COMMD10: variants seen among roughly 807,000 people sequenced by gnomAD.
COMMD10 encodes the protein COMM domain-containing protein 10.
A neutral mutation model predicts 28.9 loss-of-function variants in COMMD10; 33 were observed. The ratio of observed to expected loss-of-function variants is 1.14; its 90% CI spans 0.87 to 1.53. The LOEUF (loss-of-function observed/expected upper bound fraction) is 1.53, where lower values mean the gene tolerates loss of function less well. Ranked by LOEUF, COMMD10 falls within the 40% of genes most tolerant of loss-of-function variation. COMMD10 has a pLI of 0.00. For synonymous variants in COMMD10, 110 were observed against 81.7 expected (o/e 1.35, Z -1.87); for missense variants, 310 against 233.4 (o/e 1.33, Z -2.14).
intron 5 of COMMD10, among the ~76,000 whole-genome samples, chr5:116,270,959 T>C (rs1050461157): frequency 1.3e-5 from 2 of 150,124 alleles, no homozygotes; most frequent in African/African-American, 4.9e-5. Flanking sequence ...ATAAAGATTA[T>C]ATATAAATAA....
At chr5:116,206,664 AAAAG>A (rs1748821542) in intron 5 of COMMD10, among the ~76,000 whole-genome samples, 1 of 152,148 alleles carries the variant, frequency 6.6e-6, no homozygotes. Context: ...AAAAAAGAAA[AAAAG>A]AAAAGAAAAA....
At position 116,156,392 on chromosome 5, in the gene COMMD10, A is replaced by T. The variant is rs182438260; in HGVS notation, c.510+22214A>T. 2.6e-5 allele frequency among the ~76,000 whole-genome samples: 4 copies of T among 152,324 alleles called. No homozygotes were observed. In the East Asian group the frequency reaches 7.7e-4, roughly 29 times the overall value. ...CACAAGGTTTTTCTGGAAATTAAATATGACAGCAAATATAAAAGCATCTAT... is the reference window on the plus strand; with the variant it reads ...CACAAGGTTTTTCTGGAAATTAAATTTGACAGCAAATATAAAAGCATCTAT... On this transcript the variant is annotated intron_variant, in intron 5 of 6. Coordinates refer to ENST00000274458, the MANE Select transcript of COMMD10 (RefSeq NM_016144.4).
intron 5 of COMMD10, among the ~76,000 whole-genome samples, chr5:116,223,153 A>G (rs1374971813): frequency 6.6e-5 from 10 of 152,162 alleles, no homozygotes; most frequent in Non-Finnish European, 1.5e-4. Context: ...CCTATAAATT[A>G]TAAATATTAG....
At chr5:116,225,313 T>C (rs1749363016) in intron 5 of COMMD10, among the ~76,000 whole-genome samples, 1 of 151,120 alleles carries the variant, frequency 6.6e-6, no homozygotes, top group Non-Finnish European at 1.5e-5. Flanking sequence ...TATTTTTTCT[T>C]AAGTAATTTC....
intron 5 of COMMD10, among the ~76,000 whole-genome samples, chr5:116,267,807 C>T (rs1007825434): frequency 3.3e-5 from 5 of 151,782 alleles, no homozygotes; most frequent in African/African-American, 9.7e-5. Context: ...CATCTACAAC[C>T]ATCTGATCTT....
Position 116,129,422 on chromosome 5 carries a change from GTA to G in COMMD10, c.400-4637_400-4636del, listed in dbSNP as rs1260280308. ...ACTATATACTATGTAATATACATTA[GTA>G]TATATATACTATATACTAATGTAAT... On this transcript the variant is annotated intron_variant, in intron 4 of 6. Coordinates refer to ENST00000274458, the MANE Select transcript of COMMD10 (RefSeq NM_016144.4). Among the ~76,000 whole-genome samples, 2 of 66,104 alleles carry G rather than the reference GTA, an allele frequency of 3.0e-5. 1 individual carries two copies. Among genetic ancestry groups the G allele is most frequent in the South Asian group, 9.4e-4 (2 of 2,138 alleles). 43.4% of individuals were successfully genotyped at this position (66,104 alleles called of 152,430 possible). A position where few individuals can be genotyped will look rare whatever the true frequency, so the allele number is the denominator to read the frequency against.
At chr5:116,192,262 A>ACCC (rs35913184) in intron 5 of COMMD10, among the ~76,000 whole-genome samples, 13 of 143,088 alleles carry the variant, frequency 9.1e-5, no homozygotes, top group African/African-American at 3.3e-4. Flanking sequence ...CTCTTTAACA[A>ACCC]CCCCCCCCCC....
intron 5 of COMMD10, among the ~76,000 whole-genome samples, chr5:116,161,515 T>G (rs1230447817): frequency 1.3e-5 from 2 of 152,118 alleles, no homozygotes; most frequent in African/African-American, 4.8e-5. Context: ...CCCCGAGACC[T>G]TTATTACTAG....
rs1218420645 is a variant in COMMD10 at position 116,293,228 on chromosome 5, TTTATA to T, written c.*742_*746del. 5.3e-6 allele frequency: 2 copies of T among 378,016 alleles called. No homozygotes were observed. The highest frequency in any genetic ancestry group is 4.7e-6 in the Non-Finnish European group (1 of 213,328). The allele number at this position is 378,016 out of a possible 1,614,324, so 23.4% of individuals were successfully genotyped here. ...GCACCATTATTCGAATCAGATACCTTTTATATTCTCTTTCCATAAATACGTTGATT... is the reference window on the plus strand; with the variant it reads ...GCACCATTATTCGAATCAGATACCTTTTCTCTTTCCATAAATACGTTGATT... On this transcript the variant is annotated 3_prime_UTR_variant, in exon 7 of 7. Coordinates refer to ENST00000274458, the MANE Select transcript of COMMD10 (RefSeq NM_016144.4).
intron 4 of COMMD10, among the ~76,000 whole-genome samples, chr5:116,120,191 C>T (rs527866737): frequency 1.1e-4 from 16 of 152,192 alleles, no homozygotes; most frequent in African/African-American, 3.1e-4. Context: ...AATGAAGTAG[C>T]GTTTTTTGCA....
intron 4 of COMMD10, among the ~76,000 whole-genome samples, chr5:116,114,228 G>T (rs538615231): frequency 2.0e-5 from 3 of 152,216 alleles, no homozygotes; most frequent in South Asian, 4.2e-4. Context: ...TGAGTTGGCA[G>T]TTCCATGCAG....
Position 116,140,872 on chromosome 5 carries a change from C to T in COMMD10, c.510+6694C>T, listed in dbSNP as rs141766659. Among the ~76,000 whole-genome samples the T allele has an allele frequency of 2.0e-3, 300 of 151,804 alleles. 2 individuals are homozygous for T. Among genetic ancestry groups the T allele is most frequent in the African/African-American group, 6.8e-3 (284 of 41,462 alleles). Reference sequence around the variant, plus strand: ...ATATGTGGTTTGCAAATTTTTCTTCCAGTCTGTAGGCTGTGTTTTTTGTTG... The same window carrying T: ...ATATGTGGTTTGCAAATTTTTCTTCTAGTCTGTAGGCTGTGTTTTTTGTTG... On this transcript the variant is annotated intron_variant, in intron 5 of 6. Coordinates refer to ENST00000274458, the MANE Select transcript of COMMD10 (RefSeq NM_016144.4).
chr5:116,147,184 TC>T (rs10715015), intron 5 of COMMD10, among the ~76,000 whole-genome samples: 11,970 of 151,802 alleles, frequency 0.079, 899 homozygotes, highest in African/African-American at 0.19. Context: ...AGACAGCTGT[TC>T]GGTTAGTGCA....
At chr5:116,195,925 C>G (rs942546904) in intron 5 of COMMD10, among the ~76,000 whole-genome samples, 1 of 152,100 alleles carries the variant, frequency 6.6e-6, no homozygotes, top group Non-Finnish European at 1.5e-5. Flanking sequence ...ATCAGAAAAT[C>G]AATAAACAGA....
chr5:116,215,512 C>G (rs937097209), intron 5 of COMMD10, among the ~76,000 whole-genome samples: 1 of 151,326 alleles, frequency 6.6e-6, no homozygotes, highest in Non-Finnish European at 1.5e-5. Context: ...CAAGGTGAAA[C>G]CCTGTCTCTA....
At chr5:116,189,093 C>A (rs1404111685) in intron 5 of COMMD10, among the ~76,000 whole-genome samples, 1 of 152,122 alleles carries the variant, frequency 6.6e-6, no homozygotes, top group Non-Finnish European at 1.5e-5. Flanking sequence ...GTTCCACTTC[C>A]CTCTGTGGAA....
At chr5:116,219,277 C>T (rs866130285) in intron 5 of COMMD10, among the ~76,000 whole-genome samples, 2 of 152,138 alleles carry the variant, frequency 1.3e-5, no homozygotes, top group Non-Finnish European at 2.9e-5. Context: ...CAAACCGATA[C>T]ATACAGTTTT....
chr5:116,245,467 CAACTCCTCCCT>C (rs1425896231), intron 5 of COMMD10, among the ~76,000 whole-genome samples: 1 of 149,632 alleles, frequency 6.7e-6, no homozygotes, highest in Non-Finnish European at 1.5e-5. Flanking sequence ...AGTTGATGAG[CAACTCCTCCCT>C]AACTCATCCT....
intron 5 of COMMD10, among the ~76,000 whole-genome samples, chr5:116,233,819 G>C (rs1286624597): frequency 6.6e-6 from 1 of 152,042 alleles, no homozygotes; most frequent in Non-Finnish European, 1.5e-5. Context: ...AGAGGGGTGT[G>C]GTAGGACAGA....
Sources: gnomAD v4.1 joint callset for allele counts (sites outside exome capture counted in the v4.1 genomes callset) on GRCh38, gnomAD v4.1.1 for gene constraint, MANE v1.5 for transcripts, NCBI Gene and HGNC (gene_info 2026-07-23, HGNC 2026-07-21) for gene names.